The following CES4A variants were observed in gnomAD, a reference collection of about 807,000 sequenced individuals.
CES4A encodes carboxylesterase 6.
Under a neutral mutation model 65.4 loss-of-function variants are expected in CES4A, and 48 were observed. That is an observed-to-expected ratio of 0.73 (90% CI 0.58 to 0.93). The LOEUF is 0.93. Ranked by LOEUF, CES4A falls within the 40% of genes least tolerant of loss-of-function variation. The pLI is 0.00. For synonymous variants in CES4A, 247 were observed against 281.8 expected (o/e 0.88, Z 1.24); for missense variants, 685 against 728.5 (o/e 0.94, Z 0.69).
chr16:66,995,868 G>A, intron 2 of CES4A, 39 bp downstream of exon 2: 1 of 1,566,528 alleles, frequency 6.4e-7, no homozygotes, highest in Non-Finnish European at 8.8e-7. Context: ...GGGGGCAATG[G>A]GCCTATGCCT....
chr16:66,998,341 A>G (rs1231306042), intron 2 of CES4A, among the ~76,000 whole-genome samples: 1 of 151,950 alleles, frequency 6.6e-6, no homozygotes, highest in Non-Finnish European at 1.5e-5. Flanking sequence ...TGTAATCCCA[A>G]CACCTTGGGA....
intron 10 of CES4A, 85 bp downstream of exon 10, chr16:67,004,958 AG>A: frequency 9.4e-7 from 1 of 1,060,582 alleles, no homozygotes; most frequent in Non-Finnish European, 1.4e-6. Context: ...CTCTTTGCAA[AG>A]GGGCTCCCAG....
Position 67,004,234 on chromosome 16 carries a change from TAGG to T in CES4A, c.1080+13_1080+15del. 6.2e-7 allele frequency: 1 copy of T among 1,613,904 alleles called. No individual in the cohort carries two copies. The highest frequency in any genetic ancestry group is 8.5e-7 in the Non-Finnish European group (1 of 1,179,880). On this transcript the variant is annotated intron_variant, in intron 9 of 13. Coordinates refer to ENST00000648724, the Ensembl canonical transcript of CES4A. ...TTGGCTCTTGCCTTATGTAAGTGAG[TAGG>T]AGTTCAATTGGCTCTTGCCTTACGT... is the stretch of plus-strand genomic sequence containing the variant.
At chr16:66,995,787 A>C in exon 2 of CES4A, 1 of 1,614,116 alleles carries the variant, frequency 6.2e-7, no homozygotes, top group African/African-American at 1.3e-5. Flanking sequence ...GAACCCCCGG[A>C]GCCCTGGAAA....
chr16:66,998,798 T>C (rs1273550558), intron 2 of CES4A, among the ~76,000 whole-genome samples: 1 of 151,678 alleles, frequency 6.6e-6, no homozygotes, highest in Non-Finnish European at 1.5e-5. Flanking sequence ...GAGGCAGAGG[T>C]TGCAGTCAGC....
In CES4A at chr16:67,006,938, A is replaced by G. The variant is rs1278501069; in HGVS notation, c.1517+121A>G. The G allele has an allele frequency of 1.1e-5, 9 of 833,654 alleles. No individual in the cohort carries two copies. In the South Asian group the frequency reaches 1.2e-4, roughly 11 times the overall value. The allele number at this position is 833,654 out of a possible 1,614,324, so 51.6% of individuals were successfully genotyped here. A position where few individuals can be genotyped will look rare whatever the true frequency, so the allele number is the denominator to read the frequency against. On this transcript the variant is annotated intron_variant, in intron 13 of 13. Coordinates refer to ENST00000648724, the Ensembl canonical transcript of CES4A. ...CAGGAACTGCCCAGTCGGCCCAAAC[A>G]GGGTGCCCCTTCTTCTTCAGCTTTC...
rs80049126 is a variant in CES4A at position 67,004,237 on chromosome 16, G to A, written c.1080+13G>A. ...GCTCTTGCCTTATGTAAGTGAGTAG[G>A]AGTTCAATTGGCTCTTGCCTTACGT... On this transcript the variant is annotated intron_variant, in intron 9 of 13. Transcript: ENST00000648724. The A allele has an allele frequency of 0.041, 65,975 of 1,613,806 alleles. 1,499 individuals carry two copies. Among genetic ancestry groups the A allele is most frequent in the Non-Finnish European group, 0.046 (54,051 of 1,179,750 alleles).
Position 67,001,532 on chromosome 16 carries a change from G to A in CES4A, c.690+71G>A, listed in dbSNP as rs908863624. On this transcript the variant is annotated intron_variant, in intron 5 of 13. Transcript: ENST00000648724. This position sits in a 1 kb window ranked among gnomAD's most constrained non-coding sequence, Gnocchi z 4.1. Reference sequence around the variant, plus strand: ...CGTTCCCACAAATGTATGCTCCACTGCACAGGCCATGTGCAGATTTGCGTG... The same window carrying A: ...CGTTCCCACAAATGTATGCTCCACTACACAGGCCATGTGCAGATTTGCGTG... 4.0e-6 allele frequency: 6 copies of A among 1,495,594 alleles called. No homozygotes were observed. The highest frequency in any genetic ancestry group is 3.6e-6 in the Non-Finnish European group (4 of 1,111,910). The allele number at this position is 1,495,594 out of a possible 1,614,324, so 92.6% of individuals were successfully genotyped here.
chr16:66,998,864 C>CAAA (rs1053466447), intron 2 of CES4A, among the ~76,000 whole-genome samples: 104 of 127,204 alleles, frequency 8.2e-4, no homozygotes, highest in Admixed American at 2.3e-3. Context: ...CCATCTCAAA[C>CAAA]AAAAAAAAAA....
At chr16:67,006,673 A>C (rs1473684401) in intron 12 of CES4A, 72 bp from the exon 13 acceptor site, 1 of 1,547,442 alleles carries the variant, frequency 6.5e-7, no homozygotes, top group African/African-American at 1.4e-5. Context: ...AAGCAGCAGA[A>C]GCAGCAGGAG....
chr16:67,006,888 C>T (rs749950282), intron 13 of CES4A, 71 bp downstream of exon 13: 33 of 1,439,190 alleles, frequency 2.3e-5, no homozygotes, highest in South Asian at 4.7e-5. Flanking sequence ...CCAGCTGCTT[C>T]GGATATTTGC....
Position 67,000,666 on chromosome 16 carries a change from G to T in CES4A, c.289G>T (p.Ala97Ser), listed in dbSNP as rs765713248. Residue 97 changes from alanine (A) to serine (S), a missense_variant, in exon 3 of 14, where the codon GCC (alanine) becomes TCC (serine). Transcript: ENST00000648724. This position sits in a 1 kb window ranked among gnomAD's most constrained non-coding sequence, Gnocchi z 4.2. ...CCTGCAGGAGTCCTGGGGCCAGCTG[G>T]CCTCGATGTACGTCAGCACGCGGGA... is the stretch of plus-strand genomic sequence containing the variant. 5 of 1,549,510 alleles carry T rather than the reference G, an allele frequency of 3.2e-6. No individual in the cohort carries two copies. Among genetic ancestry groups the T allele is most frequent in the South Asian group, 1.2e-5 (1 of 84,014 alleles).
Position 67,003,945 on chromosome 16 carries a change from T to C in CES4A, c.940-139T>C. The C allele has an allele frequency of 3.3e-6, 3 of 898,950 alleles. No homozygotes were observed. Among genetic ancestry groups the C allele is most frequent in the Non-Finnish European group, 5.3e-6 (3 of 569,438 alleles). The allele number at this position is 898,950 out of a possible 1,614,324, so 55.7% of individuals were successfully genotyped here. On this transcript the variant is annotated intron_variant, in intron 8 of 13. Coordinates refer to ENST00000648724, the Ensembl canonical transcript of CES4A. The surrounding 1 kb of genome is among the most constrained non-coding windows in gnomAD (Gnocchi z 4.2). ...TGCTCCCCTCCCACACCCATCCTCCTGGGGCTCACCATGCCAGCCCCAGCC... is the reference window on the plus strand; with the variant it reads ...TGCTCCCCTCCCACACCCATCCTCCCGGGGCTCACCATGCCAGCCCCAGCC...
intron 9 of CES4A, among the ~76,000 whole-genome samples, chr16:67,004,465 A>G (rs1965597733): frequency 6.6e-6 from 1 of 152,206 alleles, no homozygotes; most frequent in African/African-American, 2.4e-5. Flanking sequence ...AAATTCTCAG[A>G]TCATAGTTTA....
Position 67,003,280 on chromosome 16 carries a change from A to C in CES4A, c.820A>C (p.Asn274His). 1 of 1,614,224 alleles carries C rather than the reference A, an allele frequency of 6.2e-7. No individual in the cohort carries two copies. Among genetic ancestry groups the C allele is most frequent in the Non-Finnish European group, 8.5e-7 (1 of 1,180,030 alleles). Residue 274 changes from asparagine (N) to histidine (H), a missense_variant, in exon 7 of 14, where the codon AAC becomes CAC. Coordinates refer to ENST00000648724, the Ensembl canonical transcript of CES4A. The surrounding 1 kb of genome is among the most constrained non-coding windows in gnomAD (Gnocchi z 4.2). The stretch of plus-strand genomic sequence containing the variant: ...GAAGGTTGCCCACCTGGCTGGATGC[A>C]ACCACAACAGCACACAGATCCTGGT...
chr16:67,006,037 G>GT (rs1965732700), intron 11 of CES4A: 1 of 184,478 alleles, frequency 5.4e-6, no homozygotes, highest in Non-Finnish European at 1.1e-5. Flanking sequence ...ACAGGTTAAA[G>GT]GGGGGGGGGC....
At chr16:67,005,384 T>G in exon 11 of CES4A, 1 of 1,613,648 alleles carries the variant, frequency 6.2e-7, no homozygotes, top group Admixed American at 1.7e-5. Context: ...GACTGCTCAC[T>G]ACCACCGAGG....
chr16:67,003,166 G>T lies in CES4A; in HGVS notation c.787G>T (p.Val263Leu). ...TTTCATCACTAGTAACCCACTGAAA[G>T]TGGCCAAGGTGAGTGCCTCTCCTTC... The change falls in exon 6 of 14, where the codon GTG becomes TTG. Residue 263 changes from valine (V) to leucine (L), a missense_variant. By Grantham distance (32) the Val-to-Leu change is conservative. Coordinates refer to ENST00000648724, the Ensembl canonical transcript of CES4A. This position sits in a 1 kb window ranked among gnomAD's most constrained non-coding sequence, Gnocchi z 4.2. The T allele has an allele frequency of 6.2e-7, 1 of 1,614,036 alleles. No homozygotes were observed. Among genetic ancestry groups the T allele is most frequent in the Non-Finnish European group, 8.5e-7 (1 of 1,179,874 alleles).
At chr16:66,997,169 C>T (rs992369240) in intron 2 of CES4A, among the ~76,000 whole-genome samples, 1 of 151,974 alleles carries the variant, frequency 6.6e-6, no homozygotes, top group Non-Finnish European at 1.5e-5. Context: ...CGATAAGATC[C>T]CAGTTATCCT....
Sources: gnomAD v4.1 joint callset for allele counts (sites outside exome capture counted in the v4.1 genomes callset) on GRCh38, gnomAD v4.1.1 for gene constraint, Gnocchi (gnomAD v3.1) non-coding constraint, MANE v1.5 for transcripts, NCBI Gene and HGNC (gene_info 2026-07-23, HGNC 2026-07-21) for gene names.